The following DIS3L2 variants were observed in gnomAD, a reference collection of about 807,000 sequenced individuals.
DIS3L2 encodes DIS3-like exonuclease 2.
A neutral mutation model predicts 97.5 loss-of-function variants in DIS3L2; 34 were observed. The ratio of observed to expected loss-of-function variants is 0.35; its 90% confidence interval spans 0.27 to 0.46. The LOEUF is 0.46. Among genes scored for constraint, DIS3L2 ranks in the 20% least tolerant of loss-of-function variants. DIS3L2 has a pLI of 1.00. For synonymous variants in DIS3L2, 435 were observed against 445.2 expected, an observed-to-expected ratio of 0.98 and a Z score of 0.29; for missense variants, 1,038 against 1,146.0, an observed-to-expected ratio of 0.91 and a Z score of 1.36.
chr2:232,016,926 C>T (rs1694371372), intron 3 of DIS3L2, among the ~76,000 whole-genome samples: 1 of 134,580 alleles, frequency 7.4e-6, no homozygotes, highest in Non-Finnish European at 1.6e-5. Flanking sequence ...CCCTCTCTCC[C>T]TCCCTCCCTC....
chr2:231,990,231 A>G (rs919186551), intron 1 of DIS3L2, among the ~76,000 whole-genome samples: 1 of 150,772 alleles, frequency 6.6e-6, no homozygotes, highest in African/African-American at 2.4e-5. Context: ...ATTAGTCTCT[A>G]TTGTTTTGCA....
chr2:231,997,261 T>C (rs998188666), intron 1 of DIS3L2, among the ~76,000 whole-genome samples: 1 of 152,276 alleles, frequency 6.6e-6, no homozygotes, highest in African/African-American at 2.4e-5. Context: ...TCTCAAGAGC[T>C]TTAACCAACA....
At chr2:232,254,336 A>G (rs535300219) in intron 12 of DIS3L2, among the ~76,000 whole-genome samples, 2 of 152,246 alleles carry the variant, frequency 1.3e-5, no homozygotes, top group South Asian at 2.1e-4. Context: ...TGAGGACAGT[A>G]TGCCAGCAAT....
chr2:232,040,876 G>C (rs1329308597), intron 5 of DIS3L2, among the ~76,000 whole-genome samples: 1 of 152,168 alleles, frequency 6.6e-6, no homozygotes, highest in Non-Finnish European at 1.5e-5. Context: ...TGTTATTCCA[G>C]AGATATCAAG....
At chr2:232,162,176 A>T (rs886239737) in intron 8 of DIS3L2, among the ~76,000 whole-genome samples, 1 of 152,008 alleles carries the variant, frequency 6.6e-6, no homozygotes. Flanking sequence ...TTTTTCTCTC[A>T]TATTTTTGCT....
chr2:232,012,350 G>A (rs1694225159), intron 1 of DIS3L2, among the ~76,000 whole-genome samples: 1 of 152,190 alleles, frequency 6.6e-6, no homozygotes, highest in African/African-American at 2.4e-5. Context: ...TAACTGCTGT[G>A]AAGGAAAGAT....
intron 5 of DIS3L2, among the ~76,000 whole-genome samples, chr2:232,051,386 T>C (rs1695394749): frequency 6.6e-6 from 1 of 152,206 alleles, no homozygotes; most frequent in Non-Finnish European, 1.5e-5. Flanking sequence ...TTGAACAATT[T>C]CAGTGTTTCC....
At chr2:232,168,714 G>C (rs1690896167) in intron 9 of DIS3L2, among the ~76,000 whole-genome samples, 1 of 152,016 alleles carries the variant, frequency 6.6e-6, no homozygotes, top group South Asian at 2.1e-4. Context: ...AGGGTGCCAG[G>C]GTTAATTCAT....
At position 232,014,224 on chromosome 2, in the gene DIS3L2, C is replaced by G. The variant is rs146229762; in HGVS notation, c.-93-611C>G. 2.5e-3 allele frequency among the ~76,000 whole-genome samples: 388 copies of G among 152,280 alleles called. 7 individuals are homozygous for G. The highest frequency in any genetic ancestry group is 0.021 in the Admixed American group (321 of 15,296). On this transcript the variant is annotated intron_variant, in intron 1 of 20. Transcript: ENST00000325385. ...GCTGTTTGAGCTTCTGATGAGACAG[C>G]TGGTTTGAGGTGATGGCAGGTAAGA...
chr2:232,159,486 G>A (rs1034469438), intron 8 of DIS3L2, among the ~76,000 whole-genome samples: 3 of 152,192 alleles, frequency 2.0e-5, no homozygotes, highest in Non-Finnish European at 4.4e-5. Flanking sequence ...CAGAGTGAGA[G>A]GAGGCTTGTA....
chr2:232,216,931 C>A (rs982960234), intron 10 of DIS3L2, among the ~76,000 whole-genome samples: 1 of 151,762 alleles, frequency 6.6e-6, no homozygotes, highest in Admixed American at 6.6e-5. Context: ...CAACCTCCCC[C>A]TCCTGGGTTC....
intron 5 of DIS3L2, among the ~76,000 whole-genome samples, chr2:232,053,536 AC>A (rs1272660655): frequency 6.6e-6 from 1 of 152,162 alleles, no homozygotes; most frequent in Non-Finnish European, 1.5e-5. Context: ...ACTGCCCTCT[AC>A]CCAGGTGCCA....
Position 232,238,618 on chromosome 2 carries a change from G to A in DIS3L2, c.1290G>A (p.Arg430=), listed in dbSNP as rs779790592. ...ATCTGGATAAAGTGGCTGCCGAGAG[G>A]GCTACAAGCGTCTACTTGGTTCAAA... ...GSDLDKVAAE[R]ATSVYLVQKV... is the part of the protein sequence containing the mutation. Residue 430 remains arginine, a synonymous_variant, in exon 11 of 21, where the codon AGG becomes AGA. Transcript: ENST00000325385. 8.7e-6 allele frequency: 14 copies of A among 1,613,956 alleles called. No individual in the cohort carries two copies. Among genetic ancestry groups the A allele is most frequent in the South Asian group, 1.1e-5 (1 of 91,060 alleles).
chr2:232,073,221 G>A (rs139763387), intron 5 of DIS3L2, among the ~76,000 whole-genome samples: 68 of 152,234 alleles, frequency 4.5e-4, no homozygotes, highest in African/African-American at 1.5e-3. Context: ...GTTAAAACAT[G>A]TGTGGCAAGT....
At chr2:232,217,724 G>A (rs1000344805) in intron 10 of DIS3L2, among the ~76,000 whole-genome samples, 1 of 152,338 alleles carries the variant, frequency 6.6e-6, no homozygotes, top group African/African-American at 2.4e-5. Flanking sequence ...TGCCTAGGGC[G>A]AGGTATGGGG....
At chr2:232,296,208 CT>C (rs994730272) in intron 13 of DIS3L2, among the ~76,000 whole-genome samples, 6 of 152,214 alleles carry the variant, frequency 3.9e-5, no homozygotes, top group African/African-American at 1.4e-4. Flanking sequence ...ATCCTGAACA[CT>C]TGTTGACTCT....
rs541513913 is a variant in DIS3L2, at chr2:232,082,626, C to G, written c.367-4861C>G. ...TGTCTTCCACAAAACCAGTCCCTGG[C>G]ACTGAAAAGGTTGGAGACTGCTGCC... On this transcript the variant is annotated intron_variant, in intron 5 of 20. Transcript: ENST00000325385. Among the ~76,000 whole-genome samples the G allele has an allele frequency of 2.8e-3, 427 of 152,292 alleles. 1 individual carries two copies. Among genetic ancestry groups the G allele is most frequent in the Non-Finnish European group, 4.7e-3 (317 of 68,020 alleles).
chr2:232,065,989 T>TTGTATA (rs1422849667), intron 5 of DIS3L2, among the ~76,000 whole-genome samples: 107 of 152,070 alleles, frequency 7.0e-4, no homozygotes, highest in African/African-American at 2.4e-3. Flanking sequence ...AAATTGACTT[T>TTGTATA]TGTATATGTA....
At chr2:232,259,424 C>G (rs1317138282) in intron 12 of DIS3L2, among the ~76,000 whole-genome samples, 5 of 152,056 alleles carry the variant, frequency 3.3e-5, no homozygotes, top group Non-Finnish European at 7.4e-5. Flanking sequence ...TTAGGAATAC[C>G]TTAGGATTCC....
Sources: allele counts gnomAD v4.1 joint callset (sites outside exome capture counted in the v4.1 genomes callset), GRCh38; gene constraint gnomAD v4.1.1; transcripts MANE v1.5; gene names NCBI Gene and HGNC (gene_info 2026-07-23, HGNC 2026-07-21).